SMCO2: variants seen among roughly 807,000 people sequenced by gnomAD.
SMCO2 encodes the protein single-pass membrane protein with coiled-coil domains 2.
In SMCO2, 25 loss-of-function variants were observed where a neutral mutation model predicts 29.5. The observed-to-expected ratio is 0.85, with a 90% CI of 0.62 to 1.18. The LOEUF (loss-of-function observed/expected upper bound fraction) is 1.18. Ranked by LOEUF, SMCO2 falls within the 50% of genes most tolerant of loss-of-function variation. The pLI, the probability that SMCO2 is intolerant of heterozygous loss-of-function variation, is 0.00. For synonymous variants in SMCO2, 117 were observed against 123.3 expected (o/e 0.95, Z 0.34); for missense variants, 348 against 344.5 (o/e 1.01, Z -0.08).
At chr12:27,476,538 C>T (rs1949587918) in intron 4 of SMCO2, among the ~76,000 whole-genome samples, 1 of 152,084 alleles carries the variant, frequency 6.6e-6, no homozygotes, top group Non-Finnish European at 1.5e-5. Flanking sequence ...TATCTGGGTG[C>T]TCCAGTGTTG....
the SMCO2 span, among the ~76,000 whole-genome samples, chr12:27,457,401 G>C: frequency 5.9e-5 from 9 of 152,176 alleles, no homozygotes; most frequent in Admixed American, 5.9e-4. Context: ...TCTGAGTTCT[G>C]TTTGTCCCAC....
intron 5 of SMCO2, among the ~76,000 whole-genome samples, chr12:27,493,470 C>G (rs1337374190): frequency 6.6e-6 from 1 of 151,970 alleles, no homozygotes; most frequent in Non-Finnish European, 1.5e-5. Flanking sequence ...GAGATGGAGG[C>G]TGCAGTGAGC....
At chr12:27,485,450 G>GT (rs142312125) in intron 4 of SMCO2, among the ~76,000 whole-genome samples, 3,696 of 131,982 alleles carry the variant, frequency 0.028, 101 homozygotes, top group African/African-American at 0.075. Flanking sequence ...ATTTTTTTAA[G>GT]TTTTTTTTTT....
the SMCO2 span, among the ~76,000 whole-genome samples, chr12:27,437,532 A>AT: frequency 1.3e-5 from 2 of 152,020 alleles, no homozygotes; most frequent in Non-Finnish European, 2.9e-5. Flanking sequence ...CTTTTAAAGG[A>AT]TTTTCCCAAA....
chr12:27,467,430 C>T (rs1297104117), intron 1 of SMCO2, among the ~76,000 whole-genome samples: 1 of 150,420 alleles, frequency 6.6e-6, no homozygotes, highest in Non-Finnish European at 1.5e-5. Flanking sequence ...TTACCTGAAA[C>T]CTTGCTAAAA....
At chr12:27,480,850 G>A (rs1356385095) in intron 4 of SMCO2, among the ~76,000 whole-genome samples, 2 of 152,108 alleles carry the variant, frequency 1.3e-5, no homozygotes, top group Non-Finnish European at 2.9e-5. Context: ...AGAACCATAG[G>A]CCAAAATATA....
chr12:27,485,005 A>T (rs1949676976), intron 4 of SMCO2, among the ~76,000 whole-genome samples: 1 of 151,408 alleles, frequency 6.6e-6, no homozygotes, highest in Non-Finnish European at 1.5e-5. Flanking sequence ...AATTTGGAAA[A>T]TTTGAGCCAT....
chr12:27,457,979 C>A, the SMCO2 span, among the ~76,000 whole-genome samples: 1 of 152,198 alleles, frequency 6.6e-6, no homozygotes, highest in Admixed American at 6.5e-5. Flanking sequence ...TCTCATTCCT[C>A]ACATATTTGC....
At chr12:27,478,107 G>A (rs1325133687) in intron 4 of SMCO2, among the ~76,000 whole-genome samples, 3 of 152,182 alleles carry the variant, frequency 2.0e-5, no homozygotes, top group Middle Eastern at 3.2e-3. Flanking sequence ...TAGTTGAGTA[G>A]GGTGCTTTGG....
chr12:27,479,702 G>A (rs1205756962), intron 4 of SMCO2, among the ~76,000 whole-genome samples: 2 of 152,116 alleles, frequency 1.3e-5, no homozygotes, highest in Non-Finnish European at 2.9e-5. Flanking sequence ...TAGAGAATAA[G>A]TTCACAAGAT....
At chr12:27,442,718 T>G in the SMCO2 span, among the ~76,000 whole-genome samples, 9 of 152,342 alleles carry the variant, frequency 5.9e-5, no homozygotes, top group Non-Finnish European at 1.3e-4. Flanking sequence ...CCTCCTGGGC[T>G]CAAGTGATCT....
chr12:27,435,039 C>G, the SMCO2 span, among the ~76,000 whole-genome samples: 1 of 152,002 alleles, frequency 6.6e-6, no homozygotes, highest in Non-Finnish European at 1.5e-5. Flanking sequence ...AGCTGGGGTT[C>G]CCTAGCCAGG....
upstream of SMCO2, among the ~76,000 whole-genome samples, chr12:27,464,201 C>T (rs1367997925): frequency 6.6e-6 from 1 of 152,058 alleles, no homozygotes; most frequent in Non-Finnish European, 1.5e-5. Context: ...AGGGAAAACA[C>T]GGGAATATTT....
intron 5 of SMCO2, among the ~76,000 whole-genome samples, chr12:27,492,250 CT>C (rs200771878): frequency 1.3e-5 from 2 of 151,832 alleles, no homozygotes; most frequent in African/African-American, 2.4e-5. Context: ...TGTCGTTTTA[CT>C]TTTTTTTCAC....
rs141796380 is a variant in SMCO2, at chr12:27,482,252, C to G, written c.363-6208C>G. ...AATACATTCTAATGTCCCTTTTGATCTCTCCTTTGACCCATGGATTATTTT... is the reference window on the plus strand; with the variant it reads ...AATACATTCTAATGTCCCTTTTGATGTCTCCTTTGACCCATGGATTATTTT... On this transcript the variant is annotated intron_variant, in intron 4 of 7. Coordinates refer to ENST00000298876, the Ensembl canonical transcript of SMCO2. Among the ~76,000 whole-genome samples the G allele has an allele frequency of 1.1e-3, 161 of 152,138 alleles. 2 individuals carry two copies. The highest frequency in any genetic ancestry group is 3.7e-3 in the African/African-American group (153 of 41,492).
rs1038708004 is a variant in SMCO2 at position 27,470,480 on chromosome 12, T to A, written c.-10-142T>A. ...CAAAATCTAAGAGCTTGTTTTGGGGTCCTTTACGATGAACAGCCAGTTGAA... is the reference window on the plus strand; with the variant it reads ...CAAAATCTAAGAGCTTGTTTTGGGGACCTTTACGATGAACAGCCAGTTGAA... On this transcript the variant is annotated intron_variant, in intron 1 of 7. Transcript: ENST00000298876. The A allele has an allele frequency of 8.2e-6, 7 of 852,554 alleles. No individual in the cohort carries two copies. In the Admixed American group the frequency reaches 1.9e-4, roughly 23 times the overall value. 52.8% of individuals were successfully genotyped at this position (852,554 alleles called of 1,614,324 possible). A position where few individuals can be genotyped will look rare whatever the true frequency, so the allele number is the denominator to read the frequency against.
chr12:27,475,685 G>T, intron 4 of SMCO2: 1 of 1,548,690 alleles, frequency 6.5e-7, no homozygotes, highest in South Asian at 1.2e-5. Context: ...GGAGAAAATT[G>T]ACAATATTAT....
the SMCO2 span, among the ~76,000 whole-genome samples, chr12:27,425,612 G>A: frequency 2.3e-4 from 35 of 152,024 alleles, no homozygotes; most frequent in Non-Finnish European, 4.1e-4. Context: ...GACCCTCTCC[G>A]CATAATGACA....
At chr12:27,446,740 G>T in the SMCO2 span, 3 of 152,108 alleles carry the variant, frequency 2.0e-5, no homozygotes, top group Non-Finnish European at 4.4e-5. Context: ...TAATCCAGTG[G>T]TTCTCAAACA....
Sources: gnomAD v4.1 joint callset for allele counts (sites outside exome capture counted in the v4.1 genomes callset) on GRCh38, gnomAD v4.1.1 for gene constraint, MANE v1.5 for transcripts, NCBI Gene and HGNC (gene_info 2026-07-23, HGNC 2026-07-21) for gene names.